The following AHRR variants were observed in gnomAD, a reference collection of about 807,000 sequenced individuals.
AHRR encodes ahR repressor.
Under a neutral mutation model 44.0 loss-of-function variants are expected in AHRR, and 28 were observed. That is an observed-to-expected ratio of 0.64 (90% CI 0.47 to 0.87). AHRR has a LOEUF of 0.87. AHRR is among the 40% of genes least tolerant of loss of function. The pLI, the probability that AHRR is intolerant of heterozygous loss-of-function variation, is 0.00. For missense variants in AHRR, 990 were observed against 953.9 expected, an observed-to-expected ratio of 1.04 and a Z score of -0.50; for synonymous variants, 434 against 407.0, an observed-to-expected ratio of 1.07 and a Z score of -0.80.
chr5:415,245 C>T (rs1579688088), intron 5 of AHRR, among the ~76,000 whole-genome samples: 1 of 152,248 alleles, frequency 6.6e-6, no homozygotes, highest in Non-Finnish European at 1.5e-5. Flanking sequence ...GGTCCCAGAG[C>T]CAGCATTCAC....
At chr5:397,795 C>T (rs1482389334) in intron 4 of AHRR, among the ~76,000 whole-genome samples, 5 of 109,006 alleles carry the variant, frequency 4.6e-5, no homozygotes, top group East Asian at 2.9e-4. Context: ...TGACCATCCA[C>T]GTAGCCCCTG....
intron 5 of AHRR, among the ~76,000 whole-genome samples, chr5:417,986 G>A (rs1464087003): frequency 6.6e-6 from 1 of 152,234 alleles, no homozygotes; most frequent in Non-Finnish European, 1.5e-5. Context: ...GTATATTTTA[G>A]TTGCCATTGA....
rs879018704 is a variant in AHRR, at chr5:436,609, C to G, written c.*1775C>G. On this transcript the variant is annotated 3_prime_UTR_variant, in exon 11 of 11. Transcript: ENST00000684583. ...GATCCATCGTGGCCCCCTATGACCCCCAAGCCCTACCGAGGGGGCACTCAC... is the reference window on the plus strand; with the variant it reads ...GATCCATCGTGGCCCCCTATGACCCGCAAGCCCTACCGAGGGGGCACTCAC... 2.0e-5 allele frequency: 3 copies of G among 152,498 alleles called. No homozygotes were observed. Among genetic ancestry groups the G allele is most frequent in the Admixed American group, 2.0e-4 (3 of 15,288 alleles). The allele number at this position is 152,498 out of a possible 1,614,324, so 9.4% of individuals were successfully genotyped here.
intron 3 of AHRR, among the ~76,000 whole-genome samples, chr5:369,793 A>T (rs1215576689): frequency 6.6e-6 from 1 of 152,242 alleles, no homozygotes; most frequent in Non-Finnish European, 1.5e-5. Flanking sequence ...GCCATCAAGA[A>T]TCACTAAATG....
chr5:425,972 G>A (rs1186948149), intron 7 of AHRR, among the ~76,000 whole-genome samples: 1 of 152,210 alleles, frequency 6.6e-6, no homozygotes, highest in Non-Finnish European at 1.5e-5. Context: ...AGGGCCAACT[G>A]AAAATGGTAG....
Position 413,323 on chromosome 5 carries a change from TTG to T in AHRR, c.352-19_352-18del. The T allele has an allele frequency of 1.9e-6, 3 of 1,553,072 alleles. No homozygotes were observed. In the African/African-American group the frequency reaches 4.2e-5, roughly 22 times the overall value. Reference sequence around the variant, plus strand: ...GGGTGAGCCAATTCGATTTTTTTTTTTGTTTTGTTTTTTCTTCTAGTCTCTTA... The same window carrying T: ...GGGTGAGCCAATTCGATTTTTTTTTTTTTTGTTTTTTCTTCTAGTCTCTTA... On this transcript the variant is annotated intron_variant, in intron 4 of 10. Coordinates refer to ENST00000684583, the MANE Select transcript of AHRR (RefSeq NM_001377236.1).
intron 4 of AHRR, among the ~76,000 whole-genome samples, chr5:412,778 T>C (rs866250863): frequency 6.9e-6 from 1 of 144,068 alleles, no homozygotes; most frequent in African/African-American, 2.6e-5. Flanking sequence ...TGGAGGGCAG[T>C]GGTGCGACCT....
chr5:323,896 G>A (rs910836195), intron 1 of AHRR, among the ~76,000 whole-genome samples: 1 of 152,110 alleles, frequency 6.6e-6, no homozygotes, highest in African/African-American at 2.4e-5. Context: ...TGAACAGGCC[G>A]ATCTGCTAGG....
In AHRR at chr5:405,780, T is replaced by C. The variant is rs1184331922; in HGVS notation, c.352-7564T>C. 6.6e-6 allele frequency among the ~76,000 whole-genome samples: 1 copy of C among 152,240 alleles called. No individual in the cohort carries two copies. The highest frequency in any genetic ancestry group is 2.4e-5 in the African/African-American group (1 of 41,470). On this transcript the variant is annotated intron_variant, in intron 4 of 10. Coordinates refer to ENST00000684583, the MANE Select transcript of AHRR (RefSeq NM_001377236.1). The surrounding 1 kb of genome is among the most constrained non-coding windows in gnomAD (Gnocchi z 4.5). Reference sequence around the variant, plus strand: ...GACTGTTGAGTTGGTCTTTGACAAGTGTTTCTTTTATATTTTCACGGCACG... The same window carrying C: ...GACTGTTGAGTTGGTCTTTGACAAGCGTTTCTTTTATATTTTCACGGCACG...
intron 5 of AHRR, among the ~76,000 whole-genome samples, chr5:417,722 A>T (rs1407641408): frequency 6.9e-6 from 1 of 144,082 alleles, no homozygotes; most frequent in African/African-American, 2.4e-5. Context: ...TTCCCCAAGC[A>T]TGAGAAGTTA....
At chr5:408,897 C>T (rs142402343) in intron 4 of AHRR, among the ~76,000 whole-genome samples, 8 of 152,004 alleles carry the variant, frequency 5.3e-5, no homozygotes, top group Admixed American at 4.6e-4. Context: ...CTAATGGGGT[C>T]GATTTTTATA....
At chr5:377,003 A>G (rs1733738571) in intron 4 of AHRR, among the ~76,000 whole-genome samples, 2 of 152,148 alleles carry the variant, frequency 1.3e-5, no homozygotes, top group Admixed American at 1.3e-4. Flanking sequence ...CTCATTCTGC[A>G]CCGTCTGCTT....
In AHRR at chr5:406,293, G is replaced by A. The variant is rs186693900; in HGVS notation, c.352-7051G>A. ...TCTGCATTTCTTGCAGGAACATGGA[G>A]GGACCGGAACATGGAGGGACCAGTC... is the stretch of plus-strand genomic sequence containing the variant. On this transcript the variant is annotated intron_variant, in intron 4 of 10. Coordinates refer to ENST00000684583, the MANE Select transcript of AHRR (RefSeq NM_001377236.1). The surrounding 1 kb of genome is among the most constrained non-coding windows in gnomAD (Gnocchi z 4.7). 7.2e-5 allele frequency among the ~76,000 whole-genome samples: 11 copies of A among 152,300 alleles called. No homozygotes were observed. The East Asian group carries it at 1.9e-3, about 27-fold the overall frequency.
chr5:370,974 T>C lies in AHRR; in HGVS notation c.245-5636T>C, dbSNP rs923532618. On this transcript the variant is annotated intron_variant, in intron 3 of 10. Coordinates refer to ENST00000684583, the MANE Select transcript of AHRR (RefSeq NM_001377236.1). This position sits in a 1 kb window ranked among gnomAD's most constrained non-coding sequence, Gnocchi z 4.5. Reference sequence around the variant, plus strand: ...AAACAGAACCGACCGGAGACAGATATGGGGAGGCTTATTATGAGCAGGTGT... The same window carrying C: ...AAACAGAACCGACCGGAGACAGATACGGGGAGGCTTATTATGAGCAGGTGT... Among the ~76,000 whole-genome samples, 7 of 152,006 alleles carry C rather than the reference T, an allele frequency of 4.6e-5. No homozygotes were observed. The highest frequency in any genetic ancestry group is 1.7e-4 in the African/African-American group (7 of 41,440).
chr5:414,575 A>G (rs959154971), intron 5 of AHRR, among the ~76,000 whole-genome samples: 3 of 152,208 alleles, frequency 2.0e-5, no homozygotes, highest in Admixed American at 1.3e-4. Context: ...CAAGGAAGCC[A>G]TAGATGGTGA....
At chr5:378,848 C>G (rs887704423) in intron 4 of AHRR, among the ~76,000 whole-genome samples, 1 of 152,238 alleles carries the variant, frequency 6.6e-6, no homozygotes, top group Non-Finnish European at 1.5e-5. Context: ...GGCTAGGATG[C>G]TGTCTCACTG....
chr5:376,865 A>G (rs1181902913), intron 4 of AHRR, 149 bp downstream of exon 4: 4 of 716,582 alleles, frequency 5.6e-6, no homozygotes, highest in Non-Finnish European at 9.3e-6. Flanking sequence ...CAGGAAGCGT[A>G]GGCTCCAAAA....
intron 1 of AHRR, among the ~76,000 whole-genome samples, chr5:329,293 G>A (rs1741834386): frequency 6.6e-6 from 1 of 151,982 alleles, no homozygotes; most frequent in African/African-American, 2.4e-5. Flanking sequence ...CGAATTCCTG[G>A]GCCCAAGAGA....
In AHRR at chr5:434,417, C is replaced by G; in HGVS notation, c.1677C>G (p.Asp559Glu). ...GCCAGGTGTGGCTGGGGGCCAGTGA[C>G]AGGAGCCACCCAGCCACCTTCCCTA... The part of the protein sequence containing the change: ...VPSQVWLGAS[D>E]RSHPATFPTR... Residue 559 changes from aspartate to glutamate, a missense_variant, in exon 11 of 11, where the codon GAC becomes GAG. Physicochemically the swap from Asp to Glu is conservative, Grantham distance 45 (BLOSUM62 2). Coordinates refer to ENST00000684583, the MANE Select transcript of AHRR (RefSeq NM_001377236.1). 6.2e-7 allele frequency: 1 copy of G among 1,613,294 alleles called. No individual in the cohort carries two copies. Among genetic ancestry groups the G allele is most frequent in the Non-Finnish European group, 8.5e-7 (1 of 1,179,962 alleles).
Sources: allele counts gnomAD v4.1 joint callset (sites outside exome capture counted in the v4.1 genomes callset), GRCh38; gene constraint gnomAD v4.1.1; non-coding constraint Gnocchi (gnomAD v3.1); transcripts MANE v1.5; gene names NCBI Gene and HGNC (gene_info 2026-07-23, HGNC 2026-07-21).